The following FGF1 variants were observed in gnomAD, a reference collection of about 807,000 sequenced individuals.
FGF1 encodes fibroblast growth factor 1.
FGF1 carries 9 observed loss-of-function variants against 13.4 expected under a neutral mutation model. That is an observed-to-expected ratio of 0.67 (90% confidence interval 0.40 to 1.17). The LOEUF (loss-of-function observed/expected upper bound fraction) is 1.17, where lower values mean the gene tolerates loss of function less well. Ranked by LOEUF, FGF1 falls within the 50% of genes most tolerant of loss-of-function variation. The probability of loss-of-function intolerance (pLI) is 0.01; values close to 1 mark genes in which losing one functional copy is unlikely to be tolerated. For synonymous variants in FGF1, 93 were observed against 79.0 expected (o/e 1.18, Z -0.94); for missense variants, 156 against 192.7 (o/e 0.81, Z 1.13).
chr5:142,605,291 T>C (rs1757418881), intron 2 of FGF1, among the ~76,000 whole-genome samples: 1 of 150,562 alleles, frequency 6.6e-6, no homozygotes, highest in African/African-American at 2.4e-5. Context: ...TTTTTTTTTT[T>C]TGTATTTTTA....
intron 3 of FGF1, among the ~76,000 whole-genome samples, 185 bp from the exon 4 acceptor site, chr5:142,595,669 C>T (rs1435498400): frequency 1.3e-5 from 2 of 152,182 alleles, no homozygotes; most frequent in African/African-American, 4.8e-5. Flanking sequence ...CTTAGAACAG[C>T]ACCGGGCACT....
At chr5:142,613,026 C>T (rs1174213364) in intron 2 of FGF1, among the ~76,000 whole-genome samples, 1 of 152,188 alleles carries the variant, frequency 6.6e-6, no homozygotes, top group East Asian at 1.9e-4. Context: ...CTGTCTTCTT[C>T]TATGTCTCCT....
chr5:142,693,261 C>T (rs1752527306), intron 2 of FGF1, among the ~76,000 whole-genome samples: 1 of 151,958 alleles, frequency 6.6e-6, no homozygotes, highest in Non-Finnish European at 1.5e-5. Flanking sequence ...ATTTCAATAG[C>T]AGTGGTTTGG....
At chr5:142,679,819 A>T (rs951268941) in intron 1 of FGF1, 1 of 152,204 alleles carries the variant, frequency 6.6e-6, no homozygotes, top group East Asian at 1.9e-4. Context: ...TAGCGGGGGA[A>T]CCTAGGAATC....
Position 142,611,019 on chromosome 5 carries a change from C to T in FGF1, c.169+2940G>A, listed in dbSNP as rs1334177326. On this transcript the variant is annotated intron_variant, in intron 2 of 3. Coordinates refer to ENST00000337706, the MANE Select transcript of FGF1 (RefSeq NM_000800.5). Reference sequence around the variant, plus strand: ...TCTTGTGTGATTTGTTTAAATTTTTCGATTGGCTTTTAGAAACGCTCTTTC... The same window carrying T: ...TCTTGTGTGATTTGTTTAAATTTTTTGATTGGCTTTTAGAAACGCTCTTTC... Among the ~76,000 whole-genome samples, 8 of 152,258 alleles carry T rather than the reference C, an allele frequency of 5.3e-5. No individual in the cohort carries two copies. In the East Asian group the frequency reaches 1.4e-3, roughly 26 times the overall value.
intron 2 of FGF1, among the ~76,000 whole-genome samples, chr5:142,611,615 C>T (rs1249130170): frequency 1.3e-5 from 2 of 152,196 alleles, no homozygotes; most frequent in African/African-American, 2.4e-5. Flanking sequence ...AGCCTGCTGA[C>T]TCTTCAGTGG....
upstream of FGF1, among the ~76,000 whole-genome samples, chr5:142,690,323 A>T (rs930434367): frequency 1.6e-4 from 24 of 152,222 alleles, no homozygotes; most frequent in African/African-American, 5.3e-4. Context: ...TGGGTGACAG[A>T]GTGAGACTCC....
chr5:142,619,642 T>G (rs1399960247), intron 1 of FGF1, among the ~76,000 whole-genome samples: 1 of 152,174 alleles, frequency 6.6e-6, no homozygotes, highest in Non-Finnish European at 1.5e-5. Context: ...GTGACCAGCC[T>G]GACGAACATG....
At chr5:142,596,166 C>A (rs931289445) in intron 3 of FGF1, among the ~76,000 whole-genome samples, 1 of 152,170 alleles carries the variant, frequency 6.6e-6, no homozygotes, top group Non-Finnish European at 1.5e-5. Context: ...TAAAAAGAAT[C>A]TTATAAATAG....
intron 2 of FGF1, chr5:142,601,081 A>T (rs1204360504): frequency 1.7e-6 from 1 of 587,286 alleles, no homozygotes; most frequent in East Asian, 4.0e-5. Flanking sequence ...AATGACCCTG[A>T]GTGCACCTTC....
chr5:142,605,912 G>A (rs1460226532), intron 2 of FGF1, among the ~76,000 whole-genome samples: 1 of 152,188 alleles, frequency 6.6e-6, no homozygotes, highest in Non-Finnish European at 1.5e-5. Context: ...GGCAAGGAAG[G>A]AGAGAGCATG....
chr5:142,665,260 A>C (rs567455442), intron 1 of FGF1, among the ~76,000 whole-genome samples: 1 of 152,150 alleles, frequency 6.6e-6, no homozygotes, highest in African/African-American at 2.4e-5. Context: ...CAAGTGCTCT[A>C]TCTCACCTCA....
chr5:142,622,655 A>T (rs1724324683), intron 1 of FGF1, among the ~76,000 whole-genome samples: 1 of 152,248 alleles, frequency 6.6e-6, no homozygotes, highest in South Asian at 2.1e-4. Context: ...TGGAAAAAAC[A>T]TCCAGGCTTT....
chr5:142,644,301 A>G (rs182273775), intron 1 of FGF1: 1 of 152,152 alleles, frequency 6.6e-6, no homozygotes, highest in Admixed American at 6.5e-5. Flanking sequence ...GGTCATTTTG[A>G]GACAGCCTTC....
intron 1 of FGF1, among the ~76,000 whole-genome samples, chr5:142,658,341 A>G (rs947426872): frequency 3.3e-5 from 5 of 152,208 alleles, no homozygotes; most frequent in African/African-American, 1.2e-4. Flanking sequence ...CTCATTCACA[A>G]CATGGCCATC....
chr5:142,610,527 C>G (rs374376311), intron 2 of FGF1, among the ~76,000 whole-genome samples: 1 of 152,196 alleles, frequency 6.6e-6, no homozygotes, highest in South Asian at 2.1e-4. Context: ...GGACCTCCCC[C>G]TCTCATGGTG....
chr5:142,646,189 G>A (rs4912871), intron 1 of FGF1, among the ~76,000 whole-genome samples: 44,503 of 143,594 alleles, frequency 0.31, 8,944 homozygotes, highest in African/African-American at 0.57. Flanking sequence ...GATTACAGGC[G>A]TGAGCCACCG....
intron 1 of FGF1, among the ~76,000 whole-genome samples, chr5:142,668,734 G>T (rs1770910143): frequency 6.6e-6 from 1 of 152,194 alleles, no homozygotes; most frequent in African/African-American, 2.4e-5. Flanking sequence ...AATAAAATAT[G>T]CATTCTAACA....
intron 3 of FGF1, among the ~76,000 whole-genome samples, chr5:142,597,326 G>C (rs1421967759): frequency 6.6e-6 from 1 of 152,148 alleles, no homozygotes; most frequent in Non-Finnish European, 1.5e-5. Context: ...TGGTTATAGG[G>C]GCAAGCGATT....
Sources: allele counts gnomAD v4.1 joint callset (sites outside exome capture counted in the v4.1 genomes callset), GRCh38; gene constraint gnomAD v4.1.1; transcripts MANE v1.5; gene names NCBI Gene and HGNC (gene_info 2026-07-23, HGNC 2026-07-21).